The following TRPM3 variants were observed in gnomAD, a reference collection of about 807,000 sequenced individuals.
TRPM3 encodes transient receptor potential cation channel subfamily M member 3.
Under a neutral mutation model 181.2 loss-of-function variants are expected in TRPM3, and 77 were observed. That is an observed-to-expected ratio of 0.42 (90% CI 0.35 to 0.51). TRPM3 has a LOEUF of 0.51. Ranked by LOEUF, TRPM3 falls within the 20% of genes least tolerant of loss-of-function variation. TRPM3 has a pLI of 0.01. For synonymous variants in TRPM3, 745 were observed against 796.4 expected, an observed-to-expected ratio of 0.94 and a Z score of 1.09; for missense variants, 1,759 against 2,196.7, an observed-to-expected ratio of 0.80 and a Z score of 3.98.
intron 1 of TRPM3, among the ~76,000 whole-genome samples, chr9:71,088,490 A>G (rs2065657123): frequency 6.6e-6 from 1 of 152,096 alleles, no homozygotes; most frequent in Non-Finnish European, 1.5e-5. Context: ...AATGACACTT[A>G]ACCATACAAA....
chr9:70,751,836 GA>G (rs1250075564), intron 8 of TRPM3, among the ~76,000 whole-genome samples: 2 of 151,706 alleles, frequency 1.3e-5, no homozygotes, highest in African/African-American at 4.8e-5. Flanking sequence ...ATACTACATA[GA>G]AAAAAAAGGC....
chr9:70,878,609 C>T (rs1012782931), intron 1 of TRPM3, among the ~76,000 whole-genome samples: 3 of 152,096 alleles, frequency 2.0e-5, no homozygotes, highest in African/African-American at 7.2e-5. Flanking sequence ...ACTTTTATAA[C>T]ATGCCATAAA....
chr9:70,987,091 G>A (rs537790116), intron 1 of TRPM3, among the ~76,000 whole-genome samples: 6 of 151,986 alleles, frequency 3.9e-5, no homozygotes, highest in South Asian at 2.1e-4. Context: ...ATAGGAATGC[G>A]TAATGTATTA....
chr9:71,358,967 T>C (rs1374034260), intron 1 of TRPM3, among the ~76,000 whole-genome samples: 1 of 152,212 alleles, frequency 6.6e-6, no homozygotes, highest in Non-Finnish European at 1.5e-5. Context: ...CATGGTTCTT[T>C]ACGCATCAAA....
At chr9:71,222,662 G>T (rs569664806) in intron 1 of TRPM3, among the ~76,000 whole-genome samples, 2 of 152,164 alleles carry the variant, frequency 1.3e-5, no homozygotes, top group Non-Finnish European at 2.9e-5. Flanking sequence ...GACTGAAGAG[G>T]GTGGATAAGA....
At chr9:71,414,137 C>G (rs1032940063) in intron 1 of TRPM3, among the ~76,000 whole-genome samples, 1 of 152,026 alleles carries the variant, frequency 6.6e-6, no homozygotes, top group African/African-American at 2.4e-5. Flanking sequence ...GCAGCTATAA[C>G]CTTTCTCTCT....
chr9:70,676,418 G>T (rs755399565), intron 9 of TRPM3, among the ~76,000 whole-genome samples: 7 of 152,208 alleles, frequency 4.6e-5, no homozygotes, highest in Non-Finnish European at 1.0e-4. Flanking sequence ...GCTGTGAATA[G>T]ATATTTTCTG....
chr9:70,795,795 T>G (rs1166495824), intron 6 of TRPM3, among the ~76,000 whole-genome samples: 2 of 152,266 alleles, frequency 1.3e-5, no homozygotes, highest in Non-Finnish European at 2.9e-5. Context: ...GGAGCTGTTA[T>G]TCCCTTGTGG....
chr9:70,793,277 GAACC>G (rs2085988232), intron 6 of TRPM3, among the ~76,000 whole-genome samples: 1 of 151,794 alleles, frequency 6.6e-6, no homozygotes, highest in African/African-American at 2.4e-5. Flanking sequence ...AATATAGCAA[GAACC>G]TGTCTCTACA....
intron 1 of TRPM3, among the ~76,000 whole-genome samples, chr9:71,224,098 G>T (rs2080422004): frequency 6.6e-6 from 1 of 152,214 alleles, no homozygotes; most frequent in Admixed American, 6.5e-5. Flanking sequence ...CCAGTGCTGT[G>T]GTGGCTTCAG....
At chr9:71,180,953 C>T (rs971455019) in intron 1 of TRPM3, among the ~76,000 whole-genome samples, 1 of 152,034 alleles carries the variant, frequency 6.6e-6, no homozygotes, top group African/African-American at 2.4e-5. Context: ...AGGAGAAGTA[C>T]GTTGCTAGGA....
chr9:70,964,735 C>T (rs2097169539), intron 1 of TRPM3, among the ~76,000 whole-genome samples: 1 of 151,964 alleles, frequency 6.6e-6, no homozygotes, highest in African/African-American at 2.4e-5. Context: ...TTTCATTAAC[C>T]ACAGGGTTTC....
intron 1 of TRPM3, among the ~76,000 whole-genome samples, chr9:71,400,628 A>T (rs2093320325): frequency 6.6e-6 from 1 of 152,032 alleles, no homozygotes; most frequent in Admixed American, 6.6e-5. Flanking sequence ...TCAAAATTAA[A>T]TTTTTTGAAA....
intron 1 of TRPM3, among the ~76,000 whole-genome samples, chr9:70,955,223 C>A (rs1017494853): frequency 7.2e-5 from 11 of 152,088 alleles, no homozygotes; most frequent in African/African-American, 2.2e-4. Context: ...TCCTGTGATA[C>A]TCCTCTGCCA....
intron 1 of TRPM3, among the ~76,000 whole-genome samples, chr9:70,891,539 C>T (rs527513758): frequency 3.3e-5 from 5 of 152,158 alleles, no homozygotes; most frequent in East Asian, 3.9e-4. Flanking sequence ...TGAAAGTCCT[C>T]GTAGCACTAT....
Position 70,635,203 on chromosome 9 carries a change from G to T in TRPM3, c.1632+8C>A, listed in dbSNP as rs749055680. ...GGGCCTCCGACCTGCAGTCGAGAGG[G>T]TTCTTACCTTTTTGACATCCCTGAC... On this transcript the variant is annotated splice_region_variant and intron_variant, in intron 12 of 25. Transcript: ENST00000677713. The T allele has an allele frequency of 1.9e-6, 3 of 1,613,568 alleles. No individual in the cohort carries two copies. The highest frequency in any genetic ancestry group is 1.3e-5 in the African/African-American group (1 of 74,896).
At chr9:71,193,395 C>T (rs2078148632) in intron 1 of TRPM3, among the ~76,000 whole-genome samples, 1 of 151,822 alleles carries the variant, frequency 6.6e-6, no homozygotes, top group Non-Finnish European at 1.5e-5. Context: ...ACTTTACCCT[C>T]TTCTATTCAT....
At chr9:71,062,403 A>T (rs2061428849) in intron 1 of TRPM3, among the ~76,000 whole-genome samples, 1 of 152,248 alleles carries the variant, frequency 6.6e-6, no homozygotes, top group African/African-American at 2.4e-5. Flanking sequence ...TCAATTTGTT[A>T]TTCAAGAGCA....
intron 22 of TRPM3, among the ~76,000 whole-genome samples, chr9:70,581,468 T>C (rs563977880): frequency 2.4e-4 from 37 of 152,362 alleles, no homozygotes; most frequent in Middle Eastern, 6.8e-3. Context: ...TCCTTTCCCT[T>C]ACATATTGAG....
Sources: allele counts gnomAD v4.1 joint callset (sites outside exome capture counted in the v4.1 genomes callset), GRCh38; gene constraint gnomAD v4.1.1; transcripts MANE v1.5; gene names NCBI Gene and HGNC (gene_info 2026-07-23, HGNC 2026-07-21).